Variants in MAP4K3 observed in about 807,000 individuals in gnomAD.
MAP4K3 encodes the protein mitogen-activated protein kinase kinase kinase kinase 3.
Under a neutral mutation model 143.5 loss-of-function variants are expected in MAP4K3, and 94 were observed. The observed-to-expected ratio is 0.65, with a 90% CI of 0.55 to 0.78. The LOEUF (loss-of-function observed/expected upper bound fraction) is 0.78, where lower values mean the gene tolerates loss of function less well. Among genes scored for constraint, MAP4K3 ranks in the 30% least tolerant of loss-of-function variants. MAP4K3 has a pLI of 0.00. For missense variants in MAP4K3, 1,077 were observed against 1,068.1 expected, an observed-to-expected ratio of 1.01 and a Z score of -0.12; for synonymous variants, 416 against 347.2, an observed-to-expected ratio of 1.20 and a Z score of -2.20.
chr2:39,391,941 G>C (rs1666673590), intron 1 of MAP4K3, among the ~76,000 whole-genome samples: 1 of 152,058 alleles, frequency 6.6e-6, no homozygotes, highest in Non-Finnish European at 1.5e-5. Context: ...CTAGCACTTT[G>C]GGAGGCCGAG....
rs1182522486 is a variant in MAP4K3 at position 39,267,172 on chromosome 2, T to G, written c.2032+17A>C. The G allele has an allele frequency of 1.2e-6, 2 of 1,613,218 alleles. No individual in the cohort carries two copies. Among genetic ancestry groups the G allele is most frequent in the South Asian group, 2.2e-5 (2 of 91,060 alleles). ...AGGAGTCTCAGAGAGCTATATGCTA[T>G]TGGACAGTTTACTTACCAACACAAC... On this transcript the variant is annotated intron_variant, in intron 27 of 33. Coordinates refer to ENST00000263881, the MANE Select transcript of MAP4K3 (RefSeq NM_003618.4).
chr2:39,351,770 G>A (rs1484552463), intron 3 of MAP4K3, among the ~76,000 whole-genome samples: 1 of 152,164 alleles, frequency 6.6e-6, no homozygotes, highest in African/African-American at 2.4e-5. Flanking sequence ...TTGGGTTCAA[G>A]TGATTCTCCT....
intron 3 of MAP4K3, among the ~76,000 whole-genome samples, chr2:39,349,102 A>G (rs79558453): frequency 0.035 from 5,386 of 152,260 alleles, 126 homozygotes; most frequent in African/African-American, 0.061. Context: ...TGATTCCTGT[A>G]CTGTACTGTG....
At chr2:39,415,778 C>A (rs921093294) in intron 1 of MAP4K3, among the ~76,000 whole-genome samples, 1 of 149,688 alleles carries the variant, frequency 6.7e-6, no homozygotes, top group Non-Finnish European at 1.5e-5. Context: ...GTGGTGAAAC[C>A]CCATCTCTAC....
At chr2:39,337,918 C>A (rs375477986) in intron 4 of MAP4K3, among the ~76,000 whole-genome samples, 4 of 152,034 alleles carry the variant, frequency 2.6e-5, no homozygotes, top group African/African-American at 9.6e-5. Flanking sequence ...TGCCACCACA[C>A]CTGGCTAGTT....
At position 39,309,450 on chromosome 2, in the gene MAP4K3, A is replaced by G; in HGVS notation, c.1056+11T>C. On this transcript the variant is annotated intron_variant, in intron 14 of 33. Transcript: ENST00000263881. ...TTTTCAGTGCTAACATTCTAAGGCT[A>G]TACTACTTACAAGTTCATGATGTGG... 1.9e-6 allele frequency: 3 copies of G among 1,569,596 alleles called. No homozygotes were observed. Among genetic ancestry groups the G allele is most frequent in the Non-Finnish European group, 2.6e-6 (3 of 1,153,164 alleles).
intron 26 of MAP4K3, 83 bp downstream of exon 26, chr2:39,272,200 G>C: frequency 9.8e-7 from 1 of 1,022,534 alleles, no homozygotes; most frequent in Non-Finnish European, 1.5e-6. Flanking sequence ...AACCCAAACT[G>C]AGTGCTCTTT....
At chr2:39,378,168 T>C (rs1666268675) in intron 1 of MAP4K3, 45 bp from the exon 2 acceptor site, 2 of 1,083,014 alleles carry the variant, frequency 1.8e-6, no homozygotes, top group South Asian at 1.5e-5. Context: ...AAAGCTTTCA[T>C]AAAAAGTGTA....
intron 24 of MAP4K3, among the ~76,000 whole-genome samples, chr2:39,273,073 T>C (rs1034671354): frequency 1.3e-5 from 2 of 152,078 alleles, no homozygotes; most frequent in African/African-American, 4.8e-5. Context: ...TATATATATA[T>C]ATGAAATTTA....
At chr2:39,428,435 A>T (rs1665165907) in intron 1 of MAP4K3, among the ~76,000 whole-genome samples, 1 of 152,168 alleles carries the variant, frequency 6.6e-6, no homozygotes, top group South Asian at 2.1e-4. Context: ...GCACTTTGGG[A>T]GGCTGAGGCA....
intron 6 of MAP4K3, 113 bp from the exon 7 acceptor site, chr2:39,333,687 T>TA: frequency 3.7e-6 from 2 of 537,856 alleles, no homozygotes; most frequent in Non-Finnish European, 3.2e-6. Context: ...TAGAAATACT[T>TA]AAAGTGTGCT....
intron 20 of MAP4K3, among the ~76,000 whole-genome samples, chr2:39,287,821 A>G (rs897763393): frequency 1.3e-5 from 2 of 152,216 alleles, no homozygotes; most frequent in Non-Finnish European, 2.9e-5. Context: ...ATGTTTGTTC[A>G]TAGTTTAATT....
chr2:39,326,465 T>A (rs189540361), intron 8 of MAP4K3, among the ~76,000 whole-genome samples, 188 bp from the exon 9 acceptor site: 2 of 152,110 alleles, frequency 1.3e-5, no homozygotes, highest in African/African-American at 4.8e-5. Flanking sequence ...AAGACCCTCA[T>A]TAGTAACTTG....
chr2:39,363,434 G>A (rs1488707897), intron 2 of MAP4K3, among the ~76,000 whole-genome samples: 1 of 152,156 alleles, frequency 6.6e-6, no homozygotes, highest in Non-Finnish European at 1.5e-5. Context: ...TTTGGAGGCC[G>A]AGGTGGGTGG....
intron 16 of MAP4K3, among the ~76,000 whole-genome samples, chr2:39,294,455 A>G (rs1271445638): frequency 1.3e-5 from 2 of 152,244 alleles, no homozygotes; most frequent in Non-Finnish European, 1.5e-5. Context: ...CCACAGTCAA[A>G]TATTATCTTA....
In MAP4K3 at chr2:39,389,210, A is replaced by C. The variant is rs571651731; in HGVS notation, c.97-11087T>G. Reference sequence around the variant, plus strand: ...CAAAATAGAATTTCTAGAAATAAAAAACGAAATTAAAAACCTAACTGGTGT... The same window carrying C: ...CAAAATAGAATTTCTAGAAATAAAACACGAAATTAAAAACCTAACTGGTGT... On this transcript the variant is annotated intron_variant, in intron 1 of 33. Coordinates refer to ENST00000263881, the MANE Select transcript of MAP4K3 (RefSeq NM_003618.4). Among the ~76,000 whole-genome samples, 13 of 152,290 alleles carry C rather than the reference A, an allele frequency of 8.5e-5. No individual in the cohort carries two copies. The East Asian group carries it at 2.5e-3, about 29-fold the overall frequency.
chr2:39,382,322 T>C (rs567280492), intron 1 of MAP4K3, among the ~76,000 whole-genome samples: 2 of 152,344 alleles, frequency 1.3e-5, no homozygotes, highest in Non-Finnish European at 2.9e-5. Flanking sequence ...CTGACCATCA[T>C]CTACTATGTA....
At chr2:39,288,024 A>C in intron 20 of MAP4K3, 97 bp downstream of exon 20, 1 of 1,451,492 alleles carries the variant, frequency 6.9e-7, no homozygotes, top group Non-Finnish European at 9.5e-7. Context: ...TCTGTCCTCC[A>C]CCAAAAGAAT....
intron 18 of MAP4K3, among the ~76,000 whole-genome samples, chr2:39,290,696 A>G (rs1439568872): frequency 6.6e-6 from 1 of 152,222 alleles, no homozygotes; most frequent in East Asian, 1.9e-4. Flanking sequence ...GATTTGTTAA[A>G]GAATACAAAA....
Sources: allele counts gnomAD v4.1 joint callset (sites outside exome capture counted in the v4.1 genomes callset), GRCh38; gene constraint gnomAD v4.1.1; transcripts MANE v1.5; gene names NCBI Gene and HGNC (gene_info 2026-07-23, HGNC 2026-07-21).